Variants in DPP6 observed in about 807,000 individuals in gnomAD.
The protein encoded by DPP6 is A-type potassium channel modulatory protein DPP6.
DPP6 carries 69 observed loss-of-function variants against 122.6 expected under a neutral mutation model. The ratio of observed to expected loss-of-function variants is 0.56; its 90% CI spans 0.46 to 0.69. DPP6 has a LOEUF of 0.69. Ranked by LOEUF, DPP6 falls within the 30% of genes least tolerant of loss-of-function variation. The pLI is 0.00. For missense variants in DPP6, 928 were observed against 1,116.9 expected, an observed-to-expected ratio of 0.83 and a Z score of 2.41; for synonymous variants, 418 against 433.1, an observed-to-expected ratio of 0.97 and a Z score of 0.43.
In DPP6 at chr7:154,618,116, C is replaced by T. The variant is rs1190068194; in HGVS notation, c.628-19705C>T. On this transcript the variant is annotated intron_variant, in intron 5 of 25. Transcript: ENST00000377770. The surrounding 1 kb of genome is among the most constrained non-coding windows in gnomAD (Gnocchi z 4.1). ...TGCTGGTTGCATTCTCGCTCTTTCCCCCATAAGGCTATTAAAGTTGCTGCT... is the reference window on the plus strand; with the variant it reads ...TGCTGGTTGCATTCTCGCTCTTTCCTCCATAAGGCTATTAAAGTTGCTGCT... Among the ~76,000 whole-genome samples the T allele has an allele frequency of 6.6e-5, 10 of 152,180 alleles. No individual in the cohort carries two copies. Among genetic ancestry groups the T allele is most frequent in the Admixed American group, 6.5e-4 (10 of 15,274 alleles).
chr7:154,189,278 T>G (rs1305215002), intron 1 of DPP6, among the ~76,000 whole-genome samples: 1 of 152,236 alleles, frequency 6.6e-6, no homozygotes, highest in South Asian at 2.1e-4. Flanking sequence ...TGAATTTGTA[T>G]CTTTCCACAA....
At chr7:154,664,510 G>A (rs1424344246) in intron 6 of DPP6, among the ~76,000 whole-genome samples, 1 of 152,062 alleles carries the variant, frequency 6.6e-6, no homozygotes, top group Non-Finnish European at 1.5e-5. Context: ...AATAAACACA[G>A]GTCAAGTGAA....
At chr7:153,893,129 A>G (rs1372169126) in intron 1 of DPP6, among the ~76,000 whole-genome samples, 2 of 152,216 alleles carry the variant, frequency 1.3e-5, no homozygotes, top group East Asian at 1.9e-4. Flanking sequence ...TTCTTCAATA[A>G]AACTGTAGTG....
At chr7:154,061,787 A>C (rs1801966245) in intron 1 of DPP6, among the ~76,000 whole-genome samples, 1 of 126,600 alleles carries the variant, frequency 7.9e-6, no homozygotes, top group African/African-American at 3.1e-5. Context: ...GGAGGGAGGC[A>C]CCCCTCGCGA....
chr7:154,002,335 C>T (rs1384119809), intron 1 of DPP6, among the ~76,000 whole-genome samples: 1 of 152,000 alleles, frequency 6.6e-6, no homozygotes, highest in Non-Finnish European at 1.5e-5. Context: ...TTGTAGATGA[C>T]TAAAAGCAAG....
At chr7:154,257,549 T>A (rs1280535281) in intron 1 of DPP6, among the ~76,000 whole-genome samples, 6 of 151,756 alleles carry the variant, frequency 4.0e-5, no homozygotes, top group East Asian at 3.9e-4. Flanking sequence ...TACAAAAAAA[T>A]TAGTGGTTGT....
At chr7:153,825,191 C>G in the DPP6 span, among the ~76,000 whole-genome samples, 7 of 152,168 alleles carry the variant, frequency 4.6e-5, no homozygotes, top group African/African-American at 1.4e-4. Flanking sequence ...TTGCATATAT[C>G]TCTTTCCTGT....
chr7:154,581,061 T>A (rs371333887), intron 5 of DPP6, among the ~76,000 whole-genome samples: 16 of 152,084 alleles, frequency 1.1e-4, no homozygotes, highest in African/African-American at 3.6e-4. Flanking sequence ...CATTCATTTC[T>A]TGGAAGTTTT....
chr7:153,759,421 C>T, the DPP6 span, among the ~76,000 whole-genome samples: 143 of 152,096 alleles, frequency 9.4e-4, 1 homozygote, highest in Non-Finnish European at 1.3e-3. Context: ...TGGGCTCAAG[C>T]GATCCTGAAA....
intron 1 of DPP6, among the ~76,000 whole-genome samples, chr7:154,330,560 C>A (rs900843247): frequency 1.3e-5 from 2 of 152,170 alleles, no homozygotes; most frequent in Non-Finnish European, 2.9e-5. Flanking sequence ...CCTGTCTTTA[C>A]GAACGGACTG....
chr7:154,008,882 G>A (rs1404204737), intron 1 of DPP6, among the ~76,000 whole-genome samples: 6 of 150,460 alleles, frequency 4.0e-5, no homozygotes, highest in Admixed American at 2.6e-4. Context: ...AGCCAGGATG[G>A]TCTCGATCTC....
Position 154,892,487 on chromosome 7 carries a change from GTCGC to G in DPP6, c.*10_*13del, listed in dbSNP as rs1323546029. On this transcript the variant is annotated 3_prime_UTR_variant, in exon 26 of 26. Coordinates refer to ENST00000377770, the MANE Select transcript of DPP6 (RefSeq NM_130797.4). ...GGACGAGGAGGAGGACTAAGCTCAG[GTCGC>G]TCTAAGCACAAACGTGGCTCTTTCT... 1 of 1,613,770 alleles carries G rather than the reference GTCGC, an allele frequency of 6.2e-7. No individual in the cohort carries two copies. Among genetic ancestry groups the G allele is most frequent in the Admixed American group, 1.7e-5 (1 of 60,022 alleles).
At chr7:154,122,181 T>C (rs71532677) in intron 1 of DPP6, among the ~76,000 whole-genome samples, 1 of 151,850 alleles carries the variant, frequency 6.6e-6, no homozygotes, top group South Asian at 2.1e-4. Flanking sequence ...GAGCCCAAAG[T>C]TATGAAATAA....
chr7:154,349,241 T>C (rs192935330), intron 1 of DPP6, among the ~76,000 whole-genome samples: 4 of 152,370 alleles, frequency 2.6e-5, no homozygotes, highest in Admixed American at 2.6e-4. Flanking sequence ...AGTGGTGTGA[T>C]CTTGGCTCAC....
intron 1 of DPP6, among the ~76,000 whole-genome samples, chr7:154,063,058 GA>G (rs1348082425): frequency 7.7e-6 from 1 of 129,156 alleles, no homozygotes. Flanking sequence ...CCCCCCACGA[GA>G]GTGGGGACTG....
intron 1 of DPP6, among the ~76,000 whole-genome samples, chr7:154,229,887 A>G (rs1040964754): frequency 5.3e-5 from 8 of 152,204 alleles, no homozygotes; most frequent in African/African-American, 1.7e-4. Flanking sequence ...TATTTTGTGA[A>G]ACCCATGCAT....
intron 7 of DPP6, among the ~76,000 whole-genome samples, chr7:154,677,206 A>T (rs1013945328): frequency 6.6e-6 from 1 of 152,312 alleles, no homozygotes; most frequent in South Asian, 2.1e-4. Flanking sequence ...GCCCATTCCA[A>T]GCAAACTATT....
rs1804565738 is a variant in DPP6, at chr7:154,282,256, G to A, written c.244-163958G>A. ...GTTTTCATTGATGGTGGCAGCTTTAGCCAGGCAGTGGTTTCCCTGTTGTAC... is the reference window on the plus strand; with the variant it reads ...GTTTTCATTGATGGTGGCAGCTTTAACCAGGCAGTGGTTTCCCTGTTGTAC... On this transcript the variant is annotated intron_variant, in intron 1 of 25. Transcript: ENST00000377770. The surrounding 1 kb of genome is among the most constrained non-coding windows in gnomAD (Gnocchi z 4.8). 6.6e-6 allele frequency among the ~76,000 whole-genome samples: 1 copy of A among 152,116 alleles called. No homozygotes were observed. The highest frequency in any genetic ancestry group is 6.5e-5 in the Admixed American group (1 of 15,268).
intron 1 of DPP6, among the ~76,000 whole-genome samples, chr7:154,327,563 C>T (rs1808556386): frequency 6.6e-6 from 1 of 151,934 alleles, no homozygotes; most frequent in African/African-American, 2.4e-5. Context: ...GACCTCATGT[C>T]TTAGAAGAAA....
Sources: allele counts gnomAD v4.1 joint callset (sites outside exome capture counted in the v4.1 genomes callset), GRCh38; gene constraint gnomAD v4.1.1; non-coding constraint Gnocchi (gnomAD v3.1); transcripts MANE v1.5; gene names NCBI Gene and HGNC (gene_info 2026-07-23, HGNC 2026-07-21).